RBBP6: variants seen among roughly 807,000 people sequenced by gnomAD.
The protein encoded by RBBP6 is RB binding protein 6, ubiquitin ligase.
A neutral mutation model predicts 167.7 loss-of-function variants in RBBP6; 25 were observed. The ratio of observed to expected loss-of-function variants is 0.15; its 90% CI spans 0.11 to 0.21. RBBP6 has a LOEUF of 0.21. RBBP6 is among the 10% of genes least tolerant of loss of function. The pLI is 1.00. For missense variants in RBBP6, 1,868 were observed against 2,134.2 expected, an observed-to-expected ratio of 0.88 and a Z score of 2.46; for synonymous variants, 789 against 735.8, an observed-to-expected ratio of 1.07 and a Z score of -1.17.
chr16:24,570,209 T>C lies in RBBP6; in HGVS notation c.3519T>C (p.Thr1173=), dbSNP rs1675540665. Residue 1173 remains threonine (T), a synonymous_variant, in exon 17 of 18, where the codon ACT becomes ACC. Transcript: ENST00000319715. ...TGAAAATCTCGAAACTAGAAGTGAC[T>C]GAAATAGTGAAACCATCACCAAAGC... ...SSMKISKLEV[T]EIVKPSPKRK... is the part of the protein sequence containing the mutation. The C allele has an allele frequency of 6.2e-7, 1 of 1,611,744 alleles. No homozygotes were observed. The highest frequency in any genetic ancestry group is 8.5e-7 in the Non-Finnish European group (1 of 1,179,540).
At chr16:24,560,568 T>G (rs1899026361) in intron 8 of RBBP6, among the ~76,000 whole-genome samples, 1 of 152,208 alleles carries the variant, frequency 6.6e-6, no homozygotes, top group African/African-American at 2.4e-5. Context: ...GCTCTGGCCT[T>G]TTTCATTTTT....
chr16:24,571,128 A>G lies in RBBP6; in HGVS notation c.4062A>G (p.Thr1354=). The G allele has an allele frequency of 6.2e-7, 1 of 1,613,588 alleles. No individual in the cohort carries two copies. Among genetic ancestry groups the G allele is most frequent in the South Asian group, 1.1e-5 (1 of 91,014 alleles). The change falls in exon 18 of 18, where the codon ACA becomes ACG. Residue 1354 remains threonine (T), a synonymous_variant. Coordinates refer to ENST00000319715, the MANE Select transcript of RBBP6 (RefSeq NM_006910.5). Reference sequence around the variant, plus strand: ...CTAGTGTTATAAAAAATGTTAGTACAAAGCCATCAAATATAGTCAAGTATC... The same window carrying G: ...CTAGTGTTATAAAAAATGTTAGTACGAAGCCATCAAATATAGTCAAGTATC... ...KPASVIKNVS[T]KPSNIVKYPE... is the part of the protein sequence containing the mutation.
At chr16:24,558,096 G>A (rs919522511) in intron 7 of RBBP6, among the ~76,000 whole-genome samples, 2 of 152,078 alleles carry the variant, frequency 1.3e-5, no homozygotes, top group African/African-American at 2.4e-5. Flanking sequence ...TATTTTTACA[G>A]ACACAATTAA....
rs918889564 is a variant in RBBP6 at position 24,570,752 on chromosome 16, GTT to G, written c.3810-119_3810-118del. 5.4e-6 allele frequency: 5 copies of G among 931,766 alleles called. No individual in the cohort carries two copies. The Admixed American group carries it at 1.5e-4, about 27-fold the overall frequency. 57.7% of individuals were successfully genotyped at this position (931,766 alleles called of 1,614,324 possible). On this transcript the variant is annotated intron_variant, in intron 17 of 17. Coordinates refer to ENST00000319715, the MANE Select transcript of RBBP6 (RefSeq NM_006910.5). The stretch of plus-strand genomic sequence containing the variant: ...GTGTGTCTTCCTTAGGGCAGAATAA[GTT>G]TTTTGTTTTTTTTAATGTTAAAAGG...
rs199686152 is a variant in RBBP6, at chr16:24,571,444, C to A, written c.4378C>A (p.Arg1460Ser). The A allele has an allele frequency of 1.4e-5, 22 of 1,612,956 alleles. 2 individuals carry two copies. In the South Asian group the frequency reaches 2.4e-4, roughly 18 times the overall value. ...ARTSDKHDST[R>S]ASSNKDFTPN... ...AACGTCAGATAAACATGATTCCACT[C>A]GTGCTTCCTCAAATAAAGACTTCAC... The change falls in exon 18 of 18, where the codon CGT becomes AGT. Residue 1460 changes from arginine (R) to serine (S), a missense_variant. Arg to Ser is a moderately radical substitution (Grantham distance 110). This residue lies in a region of RBBP6 where 591 missense variants were observed against 540.5 expected (regional missense o/e 1.09). Coordinates refer to ENST00000319715, the MANE Select transcript of RBBP6 (RefSeq NM_006910.5).
In RBBP6 at chr16:24,561,185, CCAGTTACTAGCTAAA is replaced by C. The variant is rs762764427; in HGVS notation, c.848-424_848-410del. On this transcript the variant is annotated intron_variant, in intron 8 of 17. Transcript: ENST00000319715. Reference sequence around the variant, plus strand: ...TTTCTCTTTTGTTTTCTACAATATTCCAGTTACTAGCTAAACAAAGAATAGTCTTTGAGAAAGAGT... The same window carrying C: ...TTTCTCTTTTGTTTTCTACAATATTCCAAAGAATAGTCTTTGAGAAAGAGT... 8.1e-4 allele frequency among the ~76,000 whole-genome samples: 123 copies of C among 152,056 alleles called. 1 individual carries two copies. The highest frequency in any genetic ancestry group is 2.3e-3 in the South Asian group (11 of 4,818).
intron 13 of RBBP6, among the ~76,000 whole-genome samples, chr16:24,563,952 A>C (rs1318319086): frequency 1.3e-5 from 2 of 152,156 alleles, no homozygotes; most frequent in African/African-American, 4.8e-5. Flanking sequence ...ACTTCAGTTT[A>C]ATGAATAGAT....
chr16:24,563,606 C>A lies in RBBP6; in HGVS notation c.1466-4C>A. ...TACCTACTGCTTTTATTTTTTGTTT[C>A]TAGGTCCAGTAAGAATAAATACTGC... On this transcript the variant is annotated splice_region_variant and splice_polypyrimidine_tract_variant and intron_variant, in intron 12 of 17. Transcript: ENST00000319715. 6.2e-7 allele frequency: 1 copy of A among 1,611,244 alleles called. No homozygotes were observed.
chr16:24,542,901 A>G (rs1044028119), intron 1 of RBBP6, among the ~76,000 whole-genome samples: 1 of 152,204 alleles, frequency 6.6e-6, no homozygotes. Context: ...GTTTTTGCCC[A>G]GCACATTTTC....
intron 4 of RBBP6, chr16:24,553,780 A>T (rs577739379): frequency 3.5e-4 from 112 of 322,160 alleles, no homozygotes; most frequent in Admixed American, 1.7e-3. Flanking sequence ...GACAGAAGAA[A>T]CACTTGAAGC....
chr16:24,561,268 G>A (rs1218764807), intron 8 of RBBP6, among the ~76,000 whole-genome samples: 2 of 150,814 alleles, frequency 1.3e-5, no homozygotes, highest in Non-Finnish European at 3.0e-5. Flanking sequence ...AAAAAAAAAA[G>A]ATGGGGTGGG....
intron 8 of RBBP6, among the ~76,000 whole-genome samples, chr16:24,560,205 CT>C (rs2141469813): frequency 6.7e-6 from 1 of 149,984 alleles, no homozygotes; most frequent in Non-Finnish European, 1.5e-5. Flanking sequence ...TGCCTTCTGG[CT>C]TCACACAATT....
In RBBP6 at chr16:24,570,464, T is replaced by C. The variant is rs1414080718; in HGVS notation, c.3774T>C (p.Thr1258=). Residue 1258 remains threonine, a synonymous_variant, in exon 17 of 18, where the codon ACT becomes ACC. Coordinates refer to ENST00000319715, the MANE Select transcript of RBBP6 (RefSeq NM_006910.5). ...AGGTCAGACGAAAAGTGACTGGAACTGAAGGATCCAGCTCAACTCTGGTGG... is the reference window on the plus strand; with the variant it reads ...AGGTCAGACGAAAAGTGACTGGAACCGAAGGATCCAGCTCAACTCTGGTGG... ...KGKVRRKVTG[T]EGSSSTLVDY... The C allele has an allele frequency of 1.3e-6, 2 of 1,598,080 alleles. No individual in the cohort carries two copies. Among genetic ancestry groups the C allele is most frequent in the Non-Finnish European group, 8.5e-7 (1 of 1,176,276 alleles).
In RBBP6 at chr16:24,562,078, GTCT is replaced by G; in HGVS notation, c.1210_1212del (p.Ser404del). 1 of 1,613,368 alleles carries G rather than the reference GTCT, an allele frequency of 6.2e-7. No homozygotes were observed. On this transcript the variant is annotated inframe_deletion, in exon 10 of 18. Transcript: ENST00000319715. ...TGGCCCCTCCTGTGTCTGGAAATCCGTCTTCTGCTCCAGCTCCTGTACCTGATA... is the reference window on the plus strand; with the variant it reads ...TGGCCCCTCCTGTGTCTGGAAATCCGTCTGCTCCAGCTCCTGTACCTGATA...
rs1444312205 is a variant in RBBP6 at position 24,561,961 on chromosome 16, A to C, written c.1089A>C (p.Ser363=). 1.9e-6 allele frequency: 3 copies of C among 1,613,446 alleles called. No individual in the cohort carries two copies. In the Admixed American group the frequency reaches 5.0e-5, roughly 27 times the overall value. The change falls in exon 10 of 18, where the codon TCA becomes TCC. Residue 363 remains serine, a synonymous_variant. Coordinates refer to ENST00000319715, the MANE Select transcript of RBBP6 (RefSeq NM_006910.5). ...NLQPLMRSPI[S]RQQDPLMIPV... ...AACCTCTGATGAGATCTCCGATATC[A>C]AGACAACAAGATCCTCTTATGATTC...
chr16:24,571,914 C>T lies in RBBP6; in HGVS notation c.4848C>T (p.Pro1616=). ...QIDKSTVKPK[P]QLSHSSRLSS... is the part of the protein sequence containing the mutation. Reference sequence around the variant, plus strand: ...ACAAGAGTACTGTCAAGCCTAAACCCCAGTTAAGTCATTCCTCTAGACTTT... The same window carrying T: ...ACAAGAGTACTGTCAAGCCTAAACCTCAGTTAAGTCATTCCTCTAGACTTT... Residue 1616 remains proline, a synonymous_variant, in exon 18 of 18, where the codon CCC becomes CCT. Coordinates refer to ENST00000319715, the MANE Select transcript of RBBP6 (RefSeq NM_006910.5). 6.2e-7 allele frequency: 1 copy of T among 1,614,032 alleles called. No individual in the cohort carries two copies. Among genetic ancestry groups the T allele is most frequent in the Non-Finnish European group, 8.5e-7 (1 of 1,179,986 alleles).
chr16:24,566,322 T>C (rs536389859), intron 14 of RBBP6, among the ~76,000 whole-genome samples: 8 of 152,244 alleles, frequency 5.3e-5, no homozygotes, highest in South Asian at 2.1e-4. Context: ...CTGTTATTTT[T>C]ACTTAAGCTT....
At chr16:24,563,710 A>C in intron 13 of RBBP6, 46 bp downstream of exon 13, 1 of 1,573,910 alleles carries the variant, frequency 6.4e-7, no homozygotes, top group Non-Finnish European at 8.7e-7. Context: ...CCTGCAAACT[A>C]GATAATGGAA....
intron 8 of RBBP6, 73 bp downstream of exon 8, chr16:24,559,750 C>G: frequency 7.8e-7 from 1 of 1,274,290 alleles, no homozygotes; most frequent in Non-Finnish European, 1.0e-6. Context: ...TCTTCCCAAC[C>G]TCATATGTTT....
Sources: gnomAD v4.1 joint callset for allele counts (sites outside exome capture counted in the v4.1 genomes callset) on GRCh38, gnomAD v4.1.1 for gene constraint, gnomAD v4.1.1 regional missense constraint, MANE v1.5 for transcripts, NCBI Gene and HGNC (gene_info 2026-07-23, HGNC 2026-07-21) for gene names.